The following GBE1 variants were observed in gnomAD, a reference collection of about 807,000 sequenced individuals.
The protein encoded by GBE1 is 1,4-alpha-glucan-branching enzyme.
In GBE1, 70 loss-of-function variants were observed where a neutral mutation model predicts 88.8. The observed-to-expected ratio is 0.79, with a 90% CI of 0.65 to 0.96. GBE1 has a LOEUF of 0.96. GBE1 is among the 40% of genes least tolerant of loss of function. The probability of loss-of-function intolerance (pLI) is 0.00; values close to 1 mark genes in which losing one functional copy is unlikely to be tolerated. For missense variants in GBE1, 872 were observed against 871.0 expected, an observed-to-expected ratio of 1.00 and a Z score of -0.01; for synonymous variants, 284 against 300.1, an observed-to-expected ratio of 0.95 and a Z score of 0.56.
intron 2 of GBE1, among the ~76,000 whole-genome samples, chr3:81,675,267 G>C (rs1014770777): frequency 1.3e-5 from 2 of 151,904 alleles, no homozygotes; most frequent in East Asian, 3.9e-4. Flanking sequence ...ACAGGTCAAG[G>C]GACTTCTGAA....
chr3:81,532,608 T>C (rs17019066), intron 14 of GBE1, among the ~76,000 whole-genome samples: 2,272 of 152,184 alleles, frequency 0.015, 71 homozygotes, highest in African/African-American at 0.052. Context: ...CACTGGTACA[T>C]GAGAACTTTT....
At chr3:81,735,284 T>C (rs1337011639) in intron 1 of GBE1, among the ~76,000 whole-genome samples, 5 of 152,208 alleles carry the variant, frequency 3.3e-5, no homozygotes, top group Non-Finnish European at 7.4e-5. Flanking sequence ...AGATGTTATA[T>C]TCTCCACTGA....
intron 14 of GBE1, among the ~76,000 whole-genome samples, chr3:81,527,945 T>G (rs1702966704): frequency 6.6e-6 from 1 of 152,002 alleles, no homozygotes; most frequent in African/African-American, 2.4e-5. Flanking sequence ...CTATTCACGA[T>G]AGCAAAGACT....
chr3:81,565,062 C>T (rs982054015), intron 12 of GBE1, among the ~76,000 whole-genome samples: 12 of 152,120 alleles, frequency 7.9e-5, no homozygotes, highest in African/African-American at 2.4e-4. Flanking sequence ...CATTAAATGC[C>T]AGCTAACCCT....
rs76382245 is a variant in GBE1 at position 81,531,950 on chromosome 3, G to A, written c.1934+3245C>T. Among the ~76,000 whole-genome samples, 944 of 152,006 alleles carry A rather than the reference G, an allele frequency of 6.2e-3. 72 individuals are homozygous for A. The East Asian group carries it at 0.16, about 25-fold the overall frequency. ...GGGCTGGTCTAATGGCTCTCTTTGC[G>A]GGTGCTGGCTGAATTCTGCCCATGT... On this transcript the variant is annotated intron_variant, in intron 14 of 15. Transcript: ENST00000429644.
intron 1 of GBE1, among the ~76,000 whole-genome samples, chr3:81,742,876 T>C (rs1706367008): frequency 6.6e-6 from 1 of 152,126 alleles, no homozygotes; most frequent in South Asian, 2.1e-4. Context: ...GAGAGAGGTT[T>C]TGCCCACCAC....
chr3:81,519,956 T>A (rs1171305398), intron 14 of GBE1, among the ~76,000 whole-genome samples: 1 of 151,470 alleles, frequency 6.6e-6, no homozygotes, highest in Non-Finnish European at 1.5e-5. Flanking sequence ...AAATAAATCA[T>A]CAATAATACC....
At chr3:81,648,709 G>C in intron 5 of GBE1, 147 bp downstream of exon 5, 1 of 448,498 alleles carries the variant, frequency 2.2e-6, no homozygotes, top group Non-Finnish European at 3.9e-6. Context: ...ACTATTACAG[G>C]GCAATTTGAG....
At chr3:81,759,184 C>T (rs1420934052) in intron 1 of GBE1, among the ~76,000 whole-genome samples, 1 of 152,120 alleles carries the variant, frequency 6.6e-6, no homozygotes, top group African/African-American at 2.4e-5. Flanking sequence ...CGGACTAATA[C>T]AGAAGGGGAA....
At chr3:81,761,239 G>T in intron 1 of GBE1, 136 bp downstream of exon 1, 1 of 1,164,746 alleles carries the variant, frequency 8.6e-7, no homozygotes, top group Non-Finnish European at 1.2e-6. Flanking sequence ...GAGTCACCCC[G>T]AGCCCCGCCC....
chr3:81,504,612 T>C (rs1576123394), intron 14 of GBE1, among the ~76,000 whole-genome samples: 1 of 152,196 alleles, frequency 6.6e-6, no homozygotes, highest in Non-Finnish European at 1.5e-5. Flanking sequence ...GTATTTGATA[T>C]ATCTATCAAC....
intron 1 of GBE1, among the ~76,000 whole-genome samples, 181 bp from the exon 2 acceptor site, chr3:81,705,794 A>C (rs1210104268): frequency 6.6e-6 from 1 of 152,126 alleles, no homozygotes; most frequent in East Asian, 1.9e-4. Context: ...ATTCTTATTT[A>C]AAATAAACTG....
At position 81,670,915 on chromosome 3, in the gene GBE1, C is replaced by T; in HGVS notation, c.352G>A (p.Asp118Asn). 6.4e-7 allele frequency: 1 copy of T among 1,573,046 alleles called. No individual in the cohort carries two copies. The highest frequency in any genetic ancestry group is 1.2e-5 in the South Asian group (1 of 82,448). The change falls in exon 3 of 16, where the codon GAT becomes AAT. Residue 118 changes from aspartate (D) to asparagine (N), a missense_variant. Transcript: ENST00000429644. ...ATATACAGCTCCCATTTTCCATAAT[C>T]CAGTTTTTTGTATGGGTACGAAAAT... ...NPFSYPYKKL[D>N]YGKWELYIPP...
chr3:81,713,527 G>A (rs1251902519), intron 1 of GBE1, among the ~76,000 whole-genome samples: 4 of 152,196 alleles, frequency 2.6e-5, no homozygotes, highest in East Asian at 1.9e-4. Flanking sequence ...CAGTTTGAAC[G>A]ATGAATTTTA....
intron 3 of GBE1, among the ~76,000 whole-genome samples, chr3:81,656,376 G>C (rs1369036426): frequency 6.6e-6 from 1 of 152,132 alleles, no homozygotes; most frequent in South Asian, 2.1e-4. Flanking sequence ...AGGAATGCCA[G>C]CCACTTCCAG....
intron 14 of GBE1, among the ~76,000 whole-genome samples, chr3:81,522,354 C>T (rs910410556): frequency 4.0e-5 from 6 of 151,424 alleles, no homozygotes; most frequent in African/African-American, 7.3e-5. Context: ...ATTCGAATAA[C>T]AGGTGATTAT....
intron 2 of GBE1, among the ~76,000 whole-genome samples, chr3:81,686,612 C>T (rs1379478368): frequency 6.6e-6 from 1 of 151,992 alleles, no homozygotes; most frequent in African/African-American, 2.4e-5. Flanking sequence ...CAAAATTACC[C>T]GTGTATGGTG....
At chr3:81,660,556 A>T (rs1362177195) in intron 3 of GBE1, among the ~76,000 whole-genome samples, 1 of 152,208 alleles carries the variant, frequency 6.6e-6, no homozygotes, top group Admixed American at 6.5e-5. Context: ...CATGGGGAAT[A>T]TTCGTAAGAT....
intron 12 of GBE1, among the ~76,000 whole-genome samples, chr3:81,558,715 G>A (rs1283997421): frequency 6.6e-6 from 1 of 151,950 alleles, no homozygotes; most frequent in East Asian, 1.9e-4. Flanking sequence ...ATGTTAATGT[G>A]TATAATGATT....
Sources: gnomAD v4.1 joint callset for allele counts (sites outside exome capture counted in the v4.1 genomes callset) on GRCh38, gnomAD v4.1.1 for gene constraint, MANE v1.5 for transcripts, NCBI Gene and HGNC (gene_info 2026-07-23, HGNC 2026-07-21) for gene names.